OPCML: variants seen among roughly 807,000 people sequenced by gnomAD.
OPCML encodes opioid-binding protein/cell adhesion molecule.
Under a neutral mutation model 37.8 loss-of-function variants are expected in OPCML, and 13 were observed. The observed-to-expected ratio is 0.34, with a 90% CI of 0.22 to 0.55. OPCML has a LOEUF of 0.55. OPCML is among the 20% of genes least tolerant of loss of function. The pLI, the probability that OPCML is intolerant of heterozygous loss-of-function variation, is 0.91. For synonymous variants in OPCML, 176 were observed against 168.8 expected, an observed-to-expected ratio of 1.04 and a Z score of -0.33; for missense variants, 341 against 435.6, an observed-to-expected ratio of 0.78 and a Z score of 1.93.
intron 2 of OPCML, among the ~76,000 whole-genome samples, chr11:132,778,645 T>A (rs1946887514): frequency 6.6e-6 from 1 of 152,206 alleles, no homozygotes; most frequent in Non-Finnish European, 1.5e-5. Context: ...ACTGTCACTG[T>A]AATTTTCTCT....
At chr11:132,818,371 C>T (rs1461457425) in intron 2 of OPCML, among the ~76,000 whole-genome samples, 1 of 151,878 alleles carries the variant, frequency 6.6e-6, no homozygotes, top group Non-Finnish European at 1.5e-5. Flanking sequence ...GACTGCCCTC[C>T]GTAACGTGGG....
At chr11:133,224,375 T>C (rs976640936) in intron 1 of OPCML, among the ~76,000 whole-genome samples, 1 of 152,356 alleles carries the variant, frequency 6.6e-6, no homozygotes, top group Admixed American at 6.5e-5. Flanking sequence ...ATGGGTTCAC[T>C]GCAGCTCCGT....
At chr11:132,832,623 A>T (rs899798781) in intron 2 of OPCML, among the ~76,000 whole-genome samples, 2 of 152,242 alleles carry the variant, frequency 1.3e-5, no homozygotes, top group Non-Finnish European at 2.9e-5. Flanking sequence ...CATATGCCTA[A>T]TCATGTATGC....
intron 2 of OPCML, among the ~76,000 whole-genome samples, chr11:132,785,377 G>A (rs1947174112): frequency 6.6e-6 from 1 of 152,200 alleles, no homozygotes; most frequent in South Asian, 2.1e-4. Context: ...TTCCTTACCA[G>A]CAGATTGCTT....
intron 2 of OPCML, among the ~76,000 whole-genome samples, chr11:132,707,850 A>T (rs1364420806): frequency 6.6e-6 from 1 of 152,214 alleles, no homozygotes; most frequent in Non-Finnish European, 1.5e-5. Flanking sequence ...TACAGTAAAC[A>T]TATTATAGAA....
At chr11:132,525,285 C>T (rs1449186898) in intron 4 of OPCML, among the ~76,000 whole-genome samples, 2 of 152,126 alleles carry the variant, frequency 1.3e-5, no homozygotes, top group African/African-American at 4.8e-5. Context: ...AGCATGTACT[C>T]ATATTGCCAT....
At chr11:133,303,247 GAC>G (rs1386757571) in intron 1 of OPCML, among the ~76,000 whole-genome samples, 1 of 152,138 alleles carries the variant, frequency 6.6e-6, no homozygotes, top group African/African-American at 2.4e-5. Context: ...AGACAATTAA[GAC>G]ACAGAAATGG....
intron 1 of OPCML, among the ~76,000 whole-genome samples, chr11:133,109,352 T>TG (rs933585573): frequency 7.9e-5 from 12 of 152,294 alleles, no homozygotes; most frequent in South Asian, 2.1e-4. Flanking sequence ...CGCTGCTGGC[T>TG]GGGGGTGGTC....
intron 7 of OPCML, among the ~76,000 whole-genome samples, chr11:132,426,083 T>G (rs2095976864): frequency 6.6e-6 from 1 of 152,220 alleles, no homozygotes; most frequent in African/African-American, 2.4e-5. Context: ...GTTAAGCATC[T>G]TTAAAAATAT....
At chr11:132,511,212 C>A (rs1224280988) in intron 4 of OPCML, among the ~76,000 whole-genome samples, 1 of 151,884 alleles carries the variant, frequency 6.6e-6, no homozygotes, top group African/African-American at 2.4e-5. Context: ...TATAATCATT[C>A]AAAAATATGA....
intron 1 of OPCML, among the ~76,000 whole-genome samples, chr11:133,334,939 C>T (rs866091311): frequency 3.9e-5 from 6 of 152,128 alleles, no homozygotes; most frequent in East Asian, 3.9e-4. Context: ...CCTACTGGTG[C>T]GCTCCATGGA....
At chr11:133,114,839 G>A (rs1298833026) in intron 1 of OPCML, among the ~76,000 whole-genome samples, 1 of 152,180 alleles carries the variant, frequency 6.6e-6, no homozygotes, top group Non-Finnish European at 1.5e-5. Flanking sequence ...GAGAGTGGTA[G>A]TTTGAGTAAA....
At chr11:133,044,308 T>C (rs759071827) in intron 1 of OPCML, among the ~76,000 whole-genome samples, 2 of 152,078 alleles carry the variant, frequency 1.3e-5, no homozygotes, top group African/African-American at 4.8e-5. Flanking sequence ...AGGATTTCTG[T>C]AGGAATACAA....
At chr11:133,500,678 C>T (rs899864319) in intron 1 of OPCML, among the ~76,000 whole-genome samples, 9 of 152,218 alleles carry the variant, frequency 5.9e-5, no homozygotes, top group Non-Finnish European at 1.0e-4. Flanking sequence ...GGCTCGAGTC[C>T]TCCTCCTGCA....
At chr11:132,728,143 A>G (rs1565813515) in intron 2 of OPCML, among the ~76,000 whole-genome samples, 1 of 152,232 alleles carries the variant, frequency 6.6e-6, no homozygotes, top group African/African-American at 2.4e-5. Flanking sequence ...GCTCCATGGG[A>G]ACACCTGTGC....
chr11:133,036,762 T>C (rs937321112), intron 1 of OPCML, among the ~76,000 whole-genome samples: 1 of 152,250 alleles, frequency 6.6e-6, no homozygotes, highest in African/African-American at 2.4e-5. Context: ...AGGACTACAT[T>C]CTGCATTCAG....
intron 1 of OPCML, among the ~76,000 whole-genome samples, chr11:133,348,010 C>G (rs1036162676): frequency 1.3e-5 from 2 of 152,120 alleles, no homozygotes; most frequent in African/African-American, 4.8e-5. Context: ...AAATGCTACC[C>G]TGTTACATCT....
chr11:133,396,462 A>G (rs1431893061), intron 1 of OPCML, among the ~76,000 whole-genome samples: 1 of 152,100 alleles, frequency 6.6e-6, no homozygotes, highest in African/African-American at 2.4e-5. Context: ...ATCCTGGCTA[A>G]GGGACACGAT....
intron 2 of OPCML, among the ~76,000 whole-genome samples, chr11:132,743,699 A>G (rs1945512831): frequency 6.6e-6 from 1 of 152,176 alleles, no homozygotes; most frequent in South Asian, 2.1e-4. Flanking sequence ...CTGGTGTCAC[A>G]TTTTACACCA....
Sources: allele counts gnomAD v4.1 joint callset (sites outside exome capture counted in the v4.1 genomes callset), GRCh38; gene constraint gnomAD v4.1.1; transcripts MANE v1.5; gene names NCBI Gene and HGNC (gene_info 2026-07-23, HGNC 2026-07-21).